The following CCSER1 variants were observed in gnomAD, a reference collection of about 807,000 sequenced individuals.
The protein encoded by CCSER1 is coiled-coil serine rich protein 1.
A neutral mutation model predicts 82.0 loss-of-function variants in CCSER1; 41 were observed. The observed-to-expected ratio is 0.50, with a 90% CI of 0.39 to 0.65. The LOEUF (loss-of-function observed/expected upper bound fraction) is 0.65. Among genes scored for constraint, CCSER1 ranks in the 30% least tolerant of loss-of-function variants. CCSER1 has a pLI of 0.00. For synonymous variants in CCSER1, 414 were observed against 383.9 expected, an observed-to-expected ratio of 1.08 and a Z score of -0.92; for missense variants, 1,119 against 1,064.2, an observed-to-expected ratio of 1.05 and a Z score of -0.72.
chr4:91,444,866 T>G (rs1331141067), intron 10 of CCSER1, among the ~76,000 whole-genome samples: 1 of 152,208 alleles, frequency 6.6e-6, no homozygotes, highest in African/African-American at 2.4e-5. Flanking sequence ...GCTCTCAATT[T>G]ATTGGTGAGG....
chr4:90,670,291 G>A (rs1268833471), intron 6 of CCSER1, among the ~76,000 whole-genome samples: 2 of 152,066 alleles, frequency 1.3e-5, no homozygotes, highest in African/African-American at 4.8e-5. Flanking sequence ...GTTGAGACAG[G>A]ATTTCAGTTG....
chr4:90,994,749 A>G (rs969396209), intron 9 of CCSER1, among the ~76,000 whole-genome samples: 2 of 152,168 alleles, frequency 1.3e-5, no homozygotes, highest in Admixed American at 6.6e-5. Flanking sequence ...ACATGTATTT[A>G]TTGCCGAAGT....
chr4:90,946,640 A>AGAGG (rs1732285430), intron 9 of CCSER1, among the ~76,000 whole-genome samples: 1 of 65,542 alleles, frequency 1.5e-5, no homozygotes, highest in African/African-American at 4.4e-5. Flanking sequence ...AAAAAAAAAA[A>AGAGG]GAGATTATAG....
intron 6 of CCSER1, among the ~76,000 whole-genome samples, chr4:90,651,005 A>T (rs2149043369): frequency 6.6e-6 from 1 of 152,298 alleles, no homozygotes; most frequent in Admixed American, 6.5e-5. Context: ...TGGGGAAGTT[A>T]TTTAATGTCT....
At chr4:90,610,267 A>ATAAAT (rs1166048329) in intron 5 of CCSER1, among the ~76,000 whole-genome samples, 1 of 149,162 alleles carries the variant, frequency 6.7e-6, no homozygotes, top group Non-Finnish European at 1.5e-5. Flanking sequence ...AAATAAATAA[A>ATAAAT]TAAATAAATA....
intron 8 of CCSER1, chr4:90,838,949 G>A (rs1327940608): frequency 6.2e-7 from 1 of 1,613,406 alleles, no homozygotes; most frequent in South Asian, 1.1e-5. Context: ...TTCTTTGGAA[G>A]GCAGTGGATT....
intron 10 of CCSER1, among the ~76,000 whole-genome samples, chr4:91,464,376 C>A (rs1327903461): frequency 6.6e-6 from 1 of 152,134 alleles, no homozygotes; most frequent in Non-Finnish European, 1.5e-5. Flanking sequence ...AAAGGAACAA[C>A]CGGTACCAGC....
rs1179527222 is a variant in CCSER1, at chr4:91,168,884, T to C, written c.2217+82890T>C. On this transcript the variant is annotated intron_variant, in intron 10 of 10. Coordinates refer to ENST00000509176, the MANE Select transcript of CCSER1 (RefSeq NM_001145065.2). ...AAATTCTTCTGCCTTGGGATGCTGTTAATCTATAACCTTACCCCCAACCCC... is the reference window on the plus strand; with the variant it reads ...AAATTCTTCTGCCTTGGGATGCTGTCAATCTATAACCTTACCCCCAACCCC... 2.0e-5 allele frequency among the ~76,000 whole-genome samples: 3 copies of C among 152,292 alleles called. No individual in the cohort carries two copies. The East Asian group carries it at 5.8e-4, about 29-fold the overall frequency.
intron 10 of CCSER1, among the ~76,000 whole-genome samples, chr4:91,482,976 G>T (rs1349662701): frequency 6.6e-6 from 1 of 152,092 alleles, no homozygotes; most frequent in African/African-American, 2.4e-5. Flanking sequence ...GATAGCATTA[G>T]GAGATATACC....
intron 8 of CCSER1, among the ~76,000 whole-genome samples, chr4:90,912,739 A>C (rs539272307): frequency 2.0e-5 from 3 of 152,178 alleles, no homozygotes; most frequent in African/African-American, 7.2e-5. Flanking sequence ...AAAAACCTTG[A>C]AAAAAGATTA....
chr4:90,489,270 C>T (rs545098228), intron 5 of CCSER1, among the ~76,000 whole-genome samples: 1 of 151,992 alleles, frequency 6.6e-6, no homozygotes, highest in African/African-American at 2.4e-5. Flanking sequence ...TGGTATATGA[C>T]CTCAAGTATT....
chr4:91,330,894 T>C (rs1746904222), intron 10 of CCSER1, among the ~76,000 whole-genome samples: 1 of 152,316 alleles, frequency 6.6e-6, no homozygotes, highest in Middle Eastern at 3.4e-3. Flanking sequence ...AGTTTTAAAT[T>C]GCATGCAGTT....
At chr4:91,475,534 T>C (rs1022717350) in intron 10 of CCSER1, among the ~76,000 whole-genome samples, 1 of 151,890 alleles carries the variant, frequency 6.6e-6, no homozygotes, top group African/African-American at 2.4e-5. Flanking sequence ...AGTTTTGAGA[T>C]GTGTTAAGAA....
intron 5 of CCSER1, among the ~76,000 whole-genome samples, chr4:90,558,816 G>C (rs1778408451): frequency 6.6e-6 from 1 of 152,110 alleles, no homozygotes; most frequent in Non-Finnish European, 1.5e-5. Flanking sequence ...CTGCCTTTTA[G>C]GTACAATGAT....
Position 90,846,755 on chromosome 4 carries a change from A to G in CCSER1, c.2094+30910A>G, listed in dbSNP as rs116364656. Among the ~76,000 whole-genome samples, 1,376 of 152,082 alleles carry G rather than the reference A, an allele frequency of 9.0e-3. 24 individuals carry two copies. The highest frequency in any genetic ancestry group is 0.032 in the African/African-American group (1,309 of 41,464). ...TCTTCCCAGCCTCTTGATAATCATCATTCTCCTGCCTCAGCCTCCCGAGTA... is the reference window on the plus strand; with the variant it reads ...TCTTCCCAGCCTCTTGATAATCATCGTTCTCCTGCCTCAGCCTCCCGAGTA... On this transcript the variant is annotated intron_variant, in intron 8 of 10. Transcript: ENST00000509176.
At chr4:90,784,851 G>A (rs976508787) in intron 7 of CCSER1, among the ~76,000 whole-genome samples, 4 of 152,098 alleles carry the variant, frequency 2.6e-5, no homozygotes, top group African/African-American at 9.7e-5. Context: ...GTAAGCTAGA[G>A]AAAAGAAAAT....
chr4:91,108,178 A>C (rs1223342647), intron 10 of CCSER1: 1 of 152,236 alleles, frequency 6.6e-6, no homozygotes, highest in African/African-American at 2.4e-5. Flanking sequence ...TGTATATCTA[A>C]TCCATTGTAT....
intron 9 of CCSER1, among the ~76,000 whole-genome samples, chr4:90,984,324 G>C (rs1163080186): frequency 6.6e-6 from 1 of 151,780 alleles, no homozygotes; most frequent in Non-Finnish European, 1.5e-5. Context: ...TCATTTTCAA[G>C]TAATAGAGAA....
intron 8 of CCSER1, among the ~76,000 whole-genome samples, chr4:90,917,644 C>T (rs1727696470): frequency 1.3e-5 from 2 of 151,878 alleles, no homozygotes. Flanking sequence ...CACATGTACC[C>T]TAGAACTTAA....
Sources: allele counts gnomAD v4.1 joint callset (sites outside exome capture counted in the v4.1 genomes callset), GRCh38; gene constraint gnomAD v4.1.1; transcripts MANE v1.5; gene names NCBI Gene and HGNC (gene_info 2026-07-23, HGNC 2026-07-21).